CP: variants seen among roughly 807,000 people sequenced by gnomAD.
CP encodes ceruloplasmin, also known as caeruloplasmin.
In CP, 64 loss-of-function variants were observed where a neutral mutation model predicts 122.4. The ratio of observed to expected loss-of-function variants is 0.52; its 90% CI spans 0.43 to 0.64. The LOEUF (loss-of-function observed/expected upper bound fraction) is 0.64, where lower values mean the gene tolerates loss of function less well. CP is among the 30% of genes least tolerant of loss of function. The pLI, the probability that CP is intolerant of heterozygous loss-of-function variation, is 0.00. For missense variants in CP, 1,167 were observed against 1,284.4 expected, an observed-to-expected ratio of 0.91 and a Z score of 1.40; for synonymous variants, 440 against 436.4, an observed-to-expected ratio of 1.01 and a Z score of -0.10.
At position 149,185,452 on chromosome 3, in the gene CP, G is replaced by A. The variant is rs1344684281; in HGVS notation, c.2078-6C>T. On this transcript the variant is annotated splice_polypyrimidine_tract_variant and splice_region_variant and intron_variant, in intron 11 of 18. Transcript: ENST00000264613. The stretch of plus-strand genomic sequence containing the variant: ...GCATTCAACATTAAAAGTCCCTGGA[G>A]TGGTAAATAAGAAAACATGTCACTT... 4 of 1,613,998 alleles carry A rather than the reference G, an allele frequency of 2.5e-6. No individual in the cohort carries two copies. The highest frequency in any genetic ancestry group is 1.1e-5 in the South Asian group (1 of 91,082).
chr3:149,214,137 C>T (rs1288715526), intron 1 of CP, among the ~76,000 whole-genome samples: 2 of 152,096 alleles, frequency 1.3e-5, no homozygotes, highest in East Asian at 3.9e-4. Flanking sequence ...AGAGAGCTGC[C>T]CAATCCCAGA....
chr3:149,210,033 C>CT (rs1728001709), intron 3 of CP, 134 bp downstream of exon 3: 2 of 809,352 alleles, frequency 2.5e-6, no homozygotes, highest in Non-Finnish European at 4.0e-6. Context: ...TCTTCCCTTC[C>CT]TTTTTTTCTA....
rs1725653827 is a variant in CP, at chr3:149,179,662, C to T, written c.2555G>A (p.Gly852Asp). The change falls in exon 15 of 19, where the codon GGT (glycine) becomes GAT (aspartate). Residue 852 changes from glycine to aspartate, a missense_variant and splice_region_variant. Physicochemically the swap from Gly to Asp is moderately conservative, Grantham distance 94. Coordinates refer to ENST00000264613, the MANE Select transcript of CP (RefSeq NM_000096.4). ...ESSTVTPTLPGETLTYVWKIP... is the reference protein window; with the variant it reads ...ESSTVTPTLPDETLTYVWKIP... ...TTTCCATACGTAAGTGAGAGTTTCA[C>T]CTAAATTCATCAAGTGTTAATGGAT... 6.2e-7 allele frequency: 1 copy of T among 1,606,860 alleles called. No homozygotes were observed. Among genetic ancestry groups the T allele is most frequent in the South Asian group, 1.1e-5 (1 of 90,926 alleles).
intron 9 of CP, among the ~76,000 whole-genome samples, chr3:149,197,003 G>A (rs1444680522): frequency 6.6e-6 from 1 of 152,124 alleles, no homozygotes. Context: ...CCTTGTGAAA[G>A]TCCTTCTCCT....
chr3:149,178,003 G>T, intron 16 of CP, 24 bp from the exon 17 acceptor site: 1 of 1,606,544 alleles, frequency 6.2e-7, no homozygotes, highest in Non-Finnish European at 8.5e-7. Flanking sequence ...ATGGTTTTAT[G>T]TTACTTTTCA....
At chr3:149,198,248 T>A in intron 9 of CP, 119 bp downstream of exon 9, 1 of 743,656 alleles carries the variant, frequency 1.3e-6, no homozygotes, top group Non-Finnish European at 2.3e-6. Context: ...AGTCCTTATC[T>A]TTTAAAGGTA....
chr3:149,199,669 T>C (rs916679682), intron 8 of CP, 43 bp downstream of exon 8: 1 of 1,611,390 alleles, frequency 6.2e-7, no homozygotes, highest in Non-Finnish European at 8.5e-7. Flanking sequence ...GTACAGTGGG[T>C]TATTAAACAT....
intron 4 of CP, among the ~76,000 whole-genome samples, chr3:149,166,600 T>G (rs940569501): frequency 1.1e-4 from 17 of 152,252 alleles, no homozygotes; most frequent in African/African-American, 4.1e-4. Context: ...TTCCATTATC[T>G]GAGTGTGCCA....
At chr3:149,167,263 T>C (rs1724519318) in intron 4 of CP, 3 of 1,575,342 alleles carry the variant, frequency 1.9e-6, no homozygotes, top group Non-Finnish European at 2.6e-6. Flanking sequence ...AGATTATGTT[T>C]TTAGGCTTGA....
chr3:149,185,015 A>G (rs1726057554), intron 12 of CP: 1 of 554,684 alleles, frequency 1.8e-6, no homozygotes, highest in South Asian at 2.1e-5. Context: ...GCAAGACTCC[A>G]AAGGATCAAA....
At chr3:149,166,929 T>G in intron 4 of CP, 1 of 863,012 alleles carries the variant, frequency 1.2e-6, no homozygotes, top group South Asian at 1.3e-5. Flanking sequence ...TCTTTCTATT[T>G]TATTTTTGGC....
At chr3:149,211,174 A>G (rs1728076194) in intron 2 of CP, among the ~76,000 whole-genome samples, 1 of 152,200 alleles carries the variant, frequency 6.6e-6, no homozygotes, top group African/African-American at 2.4e-5. Flanking sequence ...TTCTAAACCA[A>G]TATCTCTTTT....
In CP at chr3:149,189,369, T is replaced by C. The variant is rs1432105252; in HGVS notation, c.1714-1167A>G. Among the ~76,000 whole-genome samples the C allele has an allele frequency of 7.9e-5, 12 of 151,778 alleles. No individual in the cohort carries two copies. The East Asian group carries it at 1.8e-3, about 22-fold the overall frequency. On this transcript the variant is annotated intron_variant, in intron 9 of 18. Transcript: ENST00000264613. ...GAGATCGAGACCATCCTGGCTAACATGTGAAACCCCGTCTCTACTAAAAAT... is the reference window on the plus strand; with the variant it reads ...GAGATCGAGACCATCCTGGCTAACACGTGAAACCCCGTCTCTACTAAAAAT...
At chr3:149,168,088 C>A, downstream of CP, 5 of 725,982 alleles carry the variant, frequency 6.9e-6, no homozygotes, top group Admixed American at 4.1e-5. Flanking sequence ...AAACCGAGGG[C>A]CTTTCAGAAC....
Position 149,162,567 on chromosome 3 carries a change from G to A in CP, c.*322C>T, listed in dbSNP as rs548281294. The A allele has an allele frequency of 3.2e-4, 360 of 1,137,518 alleles. 2 individuals carry two copies. The South Asian group carries it at 3.9e-3, about 12-fold the overall frequency. The allele number at this position is 1,137,518 out of a possible 1,614,324, so 70.5% of individuals were successfully genotyped here. A position where few individuals can be genotyped will look rare whatever the true frequency, so the allele number is the denominator to read the frequency against. On this transcript the variant is annotated 3_prime_UTR_variant, in exon 6 of 6. Transcript: ENST00000479771. ...TGTCTAAATTTGCTTTTGCCATGGC[G>A]CTAATGCTAATGGTAAATTATTGAT...
chr3:149,165,568 C>A (rs1724335266), intron 5 of CP, among the ~76,000 whole-genome samples: 2 of 152,024 alleles, frequency 1.3e-5, no homozygotes, highest in Non-Finnish European at 2.9e-5. Context: ...CCTCCAACTC[C>A]TGGGCTCAAG....
intron 4 of CP, chr3:149,166,064 G>A (rs532728851): frequency 2.6e-4 from 117 of 455,050 alleles, no homozygotes; most frequent in Non-Finnish European, 4.3e-4. Context: ...TAGCAAAAAG[G>A]GTACAGGGAC....
chr3:149,163,159 A>G (rs1040549538), intron 5 of CP, among the ~76,000 whole-genome samples: 3 of 152,216 alleles, frequency 2.0e-5, no homozygotes, highest in Non-Finnish European at 4.4e-5. Context: ...GACTTCTTCC[A>G]GAACATCACC....
rs34832681 is a variant in CP at position 149,200,036 on chromosome 3, C to T, written c.1349-172G>A. On this transcript the variant is annotated intron_variant, in intron 7 of 18. Transcript: ENST00000264613. ...GAAGTCCATAATCAATCTGATATGT[C>T]GAGGTTGGAAGGAGAGAAGGGCTTT... 852 of 658,572 alleles carry T rather than the reference C, an allele frequency of 1.3e-3. 11 individuals are homozygous for T. The African/African-American group carries it at 0.014, about 11-fold the overall frequency. The allele number at this position is 658,572 out of a possible 1,614,324, so 40.8% of individuals were successfully genotyped here.
Sources: gnomAD v4.1 joint callset for allele counts (sites outside exome capture counted in the v4.1 genomes callset) on GRCh38, gnomAD v4.1.1 for gene constraint, MANE v1.5 for transcripts, NCBI Gene and HGNC (gene_info 2026-07-23, HGNC 2026-07-21) for gene names.